CTSS: variants seen among roughly 807,000 people sequenced by gnomAD.
CTSS encodes cathepsin S.
A neutral mutation model predicts 39.9 loss-of-function variants in CTSS; 15 were observed. The ratio of observed to expected loss-of-function variants is 0.38; its 90% confidence interval spans 0.25 to 0.58. CTSS has a LOEUF of 0.58. Among genes scored for constraint, CTSS ranks in the 20% least tolerant of loss-of-function variants. CTSS has a pLI of 0.70. For missense variants in CTSS, 250 were observed against 398.2 expected (o/e 0.63, Z 3.17); for synonymous variants, 126 against 138.2 (o/e 0.91, Z 0.62).
intron 2 of CTSS, among the ~76,000 whole-genome samples, chr1:150,760,553 G>C (rs1187920214): frequency 2.0e-5 from 3 of 152,162 alleles, no homozygotes; most frequent in Admixed American, 6.5e-5. Context: ...ATAAGAGAAG[G>C]AAGAAGTGAA....
chr1:150,737,557 TC>T (rs1652661553), intron 7 of CTSS, among the ~76,000 whole-genome samples: 2 of 152,198 alleles, frequency 1.3e-5, no homozygotes, highest in African/African-American at 4.8e-5. Context: ...CCCTACCTTC[TC>T]CTTGCATATT....
intron 7 of CTSS, among the ~76,000 whole-genome samples, chr1:150,744,484 T>C (rs1652844624): frequency 1.6e-5 from 1 of 62,514 alleles, no homozygotes; most frequent in Non-Finnish European, 2.9e-5. Flanking sequence ...ATATTATATG[T>C]ATATTATGTA....
chr1:150,750,317 T>C, intron 5 of CTSS, 146 bp from the exon 6 acceptor site: 1 of 570,410 alleles, frequency 1.8e-6, no homozygotes, highest in Non-Finnish European at 3.0e-6. Flanking sequence ...ATCTTCCAAA[T>C]CCTAACAGTC....
At chr1:150,755,738 T>A (rs587718068) in intron 3 of CTSS, among the ~76,000 whole-genome samples, 168 of 150,446 alleles carry the variant, frequency 1.1e-3, no homozygotes, top group African/African-American at 3.8e-3. Context: ...AGACTCCATC[T>A]CAAAGAAAAA....
intron 7 of CTSS, among the ~76,000 whole-genome samples, chr1:150,744,543 T>C (rs1470423618): frequency 2.6e-5 from 3 of 115,044 alleles, no homozygotes; most frequent in African/African-American, 1.0e-4. Context: ...CATAATATAT[T>C]ATATATTATA....
intron 7 of CTSS, among the ~76,000 whole-genome samples, chr1:150,733,962 G>C (rs1462120664): frequency 6.6e-6 from 1 of 152,014 alleles, no homozygotes; most frequent in Non-Finnish European, 1.5e-5. Context: ...AATGGACTTA[G>C]AGGAGTTCAA....
At chr1:150,750,829 G>A (rs1311607162) in intron 5 of CTSS, among the ~76,000 whole-genome samples, 1 of 151,470 alleles carries the variant, frequency 6.6e-6, no homozygotes, top group Non-Finnish European at 1.5e-5. Flanking sequence ...TTTAGTAGAG[G>A]TGAGGTCTCA....
intron 2 of CTSS, among the ~76,000 whole-genome samples, chr1:150,758,862 T>A (rs1022313275): frequency 2.0e-5 from 3 of 151,316 alleles, no homozygotes; most frequent in Non-Finnish European, 4.4e-5. Flanking sequence ...TTTTTTTTTT[T>A]TTTTTAGACA....
Position 150,732,302 on chromosome 1 carries a change from C to T in CTSS, c.*744G>A, listed in dbSNP as rs147370389. On this transcript the variant is annotated 3_prime_UTR_variant, in exon 8 of 8. Coordinates refer to ENST00000368985, the MANE Select transcript of CTSS (RefSeq NM_004079.5). The stretch of plus-strand genomic sequence containing the variant: ...TTCCATCAAAGTTGCTAAACCCCAT[C>T]ACCAGAATACCACAATTAATATTCT... 9.2e-5 allele frequency: 14 copies of T among 152,280 alleles called. No individual in the cohort carries two copies. In the East Asian group the frequency reaches 2.5e-3, roughly 27 times the overall value. The allele number at this position is 152,280 out of a possible 1,614,324, so 9.4% of individuals were successfully genotyped here.
intron 7 of CTSS, among the ~76,000 whole-genome samples, chr1:150,733,394 T>G (rs947678002): frequency 2.0e-5 from 3 of 152,236 alleles, no homozygotes; most frequent in Non-Finnish European, 2.9e-5. Flanking sequence ...TCCATCCCAG[T>G]CCTTTAATCC....
At chr1:150,765,392 G>T (rs1206587190) in intron 1 of CTSS, among the ~76,000 whole-genome samples, 1 of 151,670 alleles carries the variant, frequency 6.6e-6, no homozygotes, top group South Asian at 2.1e-4. Flanking sequence ...CAGAAATTCA[G>T]CGACTAGCTC....
chr1:150,760,165 A>G (rs1336571814), intron 2 of CTSS, among the ~76,000 whole-genome samples: 6 of 152,324 alleles, frequency 3.9e-5, no homozygotes, highest in East Asian at 1.9e-4. Context: ...AGTGGTGCTA[A>G]TTGCACATCT....
At chr1:150,749,792 A>G (rs1383019599) in intron 6 of CTSS, among the ~76,000 whole-genome samples, 1 of 151,472 alleles carries the variant, frequency 6.6e-6, no homozygotes, top group South Asian at 2.1e-4. Flanking sequence ...TGAGACTACA[A>G]GTGAGTGTCA....
intron 7 of CTSS, among the ~76,000 whole-genome samples, chr1:150,743,099 T>C (rs1244933329): frequency 1.3e-5 from 2 of 152,032 alleles, no homozygotes; most frequent in East Asian, 3.9e-4. Flanking sequence ...TTTGCTTTGA[T>C]ATAGATGAGT....
intron 2 of CTSS, among the ~76,000 whole-genome samples, chr1:150,760,601 G>A (rs1366957858): frequency 6.6e-6 from 1 of 152,174 alleles, no homozygotes; most frequent in African/African-American, 2.4e-5. Context: ...CATATAGAAA[G>A]TCTTGGCCAG....
In CTSS at chr1:150,761,837, A is replaced by G. The variant is rs144676955; in HGVS notation, c.126+2801T>C. ...GATTGGAAGAATTAATATTGCTAAA[A>G]TGTTCATACTATCCAAAGCAAACTA... On this transcript the variant is annotated intron_variant, in intron 2 of 7. Transcript: ENST00000368985. Among the ~76,000 whole-genome samples, 292 of 152,346 alleles carry G rather than the reference A, an allele frequency of 1.9e-3. 2 individuals carry two copies. Among genetic ancestry groups the G allele is most frequent in the Admixed American group, 3.0e-3 (46 of 15,304 alleles).
At chr1:150,750,748 A>G (rs80183777) in intron 5 of CTSS, among the ~76,000 whole-genome samples, 1 of 151,992 alleles carries the variant, frequency 6.6e-6, no homozygotes, top group Non-Finnish European at 1.5e-5. Flanking sequence ...TGATTCTCCC[A>G]CCTCAGCTTC....
chr1:150,733,034 A>T lies in CTSS; in HGVS notation c.*12T>A. The T allele has an allele frequency of 6.4e-7, 1 of 1,572,656 alleles. No homozygotes were observed. Among genetic ancestry groups the T allele is most frequent in the Non-Finnish European group, 8.7e-7 (1 of 1,146,028 alleles). Reference sequence around the variant, plus strand: ...TCATATTTCTTGATTTGTTATAAAAAGGAGAGATCCTCTAGATTTCTGGGT... The same window carrying T: ...TCATATTTCTTGATTTGTTATAAAATGGAGAGATCCTCTAGATTTCTGGGT... On this transcript the variant is annotated 3_prime_UTR_variant, in exon 8 of 8. Coordinates refer to ENST00000368985, the MANE Select transcript of CTSS (RefSeq NM_004079.5).
intron 2 of CTSS, among the ~76,000 whole-genome samples, chr1:150,759,187 T>C (rs189986267): frequency 2.4e-4 from 37 of 152,102 alleles, no homozygotes; most frequent in African/African-American, 8.9e-4. Context: ...CTCTTTCTTT[T>C]TGATGTTTTA....
Sources: gnomAD v4.1 joint callset for allele counts (sites outside exome capture counted in the v4.1 genomes callset) on GRCh38, gnomAD v4.1.1 for gene constraint, MANE v1.5 for transcripts, NCBI Gene and HGNC (gene_info 2026-07-23, HGNC 2026-07-21) for gene names.